Variants in GOLGB1 observed in about 807,000 individuals in gnomAD.
GOLGB1 encodes golgin subfamily B member 1.
A neutral mutation model predicts 336.9 loss-of-function variants in GOLGB1; 174 were observed. The observed-to-expected ratio is 0.52, with a 90% confidence interval of 0.46 to 0.59. GOLGB1 has a LOEUF of 0.59. Ranked by LOEUF, GOLGB1 falls within the 20% of genes least tolerant of loss-of-function variation. The pLI is 0.00. For missense variants in GOLGB1, 3,331 were observed against 3,645.3 expected (o/e 0.91, Z 2.22); for synonymous variants, 1,208 against 1,289.2 (o/e 0.94, Z 1.35).
chr3:121,716,685 C>A (rs546856786), intron 9 of GOLGB1, 52 bp downstream of exon 9: 1 of 1,391,892 alleles, frequency 7.2e-7, no homozygotes. Flanking sequence ...ATATGAAATA[C>A]AAGCCACTCA....
intron 17 of GOLGB1, among the ~76,000 whole-genome samples, chr3:121,669,604 C>T (rs933995976): frequency 6.6e-6 from 1 of 151,738 alleles, no homozygotes. Context: ...TAAATGGTGC[C>T]CAGTACATTA....
Position 121,738,922 on chromosome 3 carries a change from A to G in GOLGB1, c.-2-7949T>C, listed in dbSNP as rs1025082165. ...AACCTTATCAAGTTAGAAAAGCTGT[A>G]TAAAATCTCTTTCTAAAAGTTCAGC... On this transcript the variant is annotated intron_variant, in intron 1 of 21. Transcript: ENST00000614479. 5.9e-5 allele frequency among the ~76,000 whole-genome samples: 9 copies of G among 152,320 alleles called. No homozygotes were observed. In the South Asian group the frequency reaches 1.9e-3, roughly 32 times the overall value.
chr3:121,697,990 G>A lies in GOLGB1; in HGVS notation c.2533C>T (p.Leu845=). The change falls in exon 13 of 22, where the codon CTG becomes TTG. Residue 845 remains leucine, a synonymous_variant. Coordinates refer to ENST00000614479, the MANE Select transcript of GOLGB1 (RefSeq NM_001366282.2). The part of the protein sequence containing the change: ...STLIRSLQSQ[L]QNKESEVLEG... ...AGCACTTCACTTTCCTTATTTTGCAGCTGGCTTTGCAGGCTTCTTATCAGG... is the reference window on the plus strand; with the variant it reads ...AGCACTTCACTTTCCTTATTTTGCAACTGGCTTTGCAGGCTTCTTATCAGG... 2.5e-6 allele frequency: 4 copies of A among 1,614,036 alleles called. No individual in the cohort carries two copies. The highest frequency in any genetic ancestry group is 3.4e-6 in the Non-Finnish European group (4 of 1,179,948).
At chr3:121,684,512 GA>G (rs1189122571) in intron 14 of GOLGB1, among the ~76,000 whole-genome samples, 1 of 152,008 alleles carries the variant, frequency 6.6e-6, no homozygotes, top group Non-Finnish European at 1.5e-5. Context: ...AAAAATTTCA[GA>G]ATAGGGGAGA....
At position 121,667,441 on chromosome 3, in the gene GOLGB1, G is replaced by A. The variant is rs140381302; in HGVS notation, c.9554+35C>T. On this transcript the variant is annotated intron_variant, in intron 20 of 21. Transcript: ENST00000614479. ...TACATGAGTTTGATCAGAAAGGATCGGAAGGGAACAGAGGCTATCTCCTTC... is the reference window on the plus strand; with the variant it reads ...TACATGAGTTTGATCAGAAAGGATCAGAAGGGAACAGAGGCTATCTCCTTC... 125 of 1,597,040 alleles carry A rather than the reference G, an allele frequency of 7.8e-5. No individual in the cohort carries two copies. In the East Asian group the frequency reaches 2.4e-3, roughly 30 times the overall value.
At chr3:121,735,851 G>C (rs533463690) in intron 1 of GOLGB1, among the ~76,000 whole-genome samples, 2 of 152,066 alleles carry the variant, frequency 1.3e-5, no homozygotes, top group Non-Finnish European at 2.9e-5. Context: ...TCCAGATCTC[G>C]ATTTCTAAAT....
At chr3:121,671,017 T>C (rs1242478861) in intron 17 of GOLGB1, among the ~76,000 whole-genome samples, 2 of 152,212 alleles carry the variant, frequency 1.3e-5, no homozygotes, top group East Asian at 1.9e-4. Flanking sequence ...GCTGCCCTTT[T>C]ATCATAAATA....
rs770034829 is a variant in GOLGB1, at chr3:121,695,589, C to T, written c.4934G>A (p.Arg1645Lys). The change falls in exon 13 of 22, where the codon AGG becomes AAG. Residue 1645 changes from arginine to lysine, a missense_variant. Coordinates refer to ENST00000614479, the MANE Select transcript of GOLGB1 (RefSeq NM_001366282.2). ...GCCATACAGTTCTTGTTTCTCTTGC[C>T]TCACAGCTTCCACCACATGCTGAAT... ...ERIQHVVEAV[R>K]QEKQELYGKL... is the part of the protein sequence containing the mutation. 1.2e-6 allele frequency: 2 copies of T among 1,614,014 alleles called. No homozygotes were observed. Among genetic ancestry groups the T allele is most frequent in the Non-Finnish European group, 1.7e-6 (2 of 1,180,016 alleles).
At position 121,669,321 on chromosome 3, in the gene GOLGB1, G is replaced by A. The variant is rs1451742771; in HGVS notation, c.9212C>T (p.Ser3071Phe). ...SQLLEEKNTL[S>F]IQLCDTSQSL... ...CTGACTGGTATCGCAGAGCTGAATG[G>A]AAAGGGTGTTTTTCTCTTCCAGTAG... is the stretch of plus-strand genomic sequence containing the variant. Residue 3071 changes from serine to phenylalanine, a missense_variant, in exon 18 of 22, where the codon TCC becomes TTC. Physicochemically the swap from Ser to Phe is radical, Grantham distance 155. Transcript: ENST00000614479. The A allele has an allele frequency of 6.2e-7, 1 of 1,614,048 alleles. No homozygotes were observed. Among genetic ancestry groups the A allele is most frequent in the South Asian group, 1.1e-5 (1 of 91,078 alleles).
chr3:121,721,445 A>G (rs1472512750), intron 6 of GOLGB1, among the ~76,000 whole-genome samples: 2 of 152,090 alleles, frequency 1.3e-5, no homozygotes, highest in Non-Finnish European at 2.9e-5. Flanking sequence ...TGGGCAACAT[A>G]TTGAGAACCT....
At position 121,696,453 on chromosome 3, in the gene GOLGB1, T is replaced by A; in HGVS notation, c.4070A>T (p.Glu1357Val). Residue 1357 changes from glutamate (E) to valine (V), a missense_variant, in exon 13 of 22, where the codon GAA becomes GTA. Physicochemically the swap from Glu to Val is moderately radical, Grantham distance 121. Coordinates refer to ENST00000614479, the MANE Select transcript of GOLGB1 (RefSeq NM_001366282.2). ...GGATACTGTCTTTAGACTCTCGATTTCTAAACCCTGTTTATTTATCTGCTC... is the reference window on the plus strand; with the variant it reads ...GGATACTGTCTTTAGACTCTCGATTACTAAACCCTGTTTATTTATCTGCTC... ...LQEQINKQGL[E>V]IESLKTVSHE... 6.2e-7 allele frequency: 1 copy of A among 1,614,068 alleles called. No homozygotes were observed. Among genetic ancestry groups the A allele is most frequent in the South Asian group, 1.1e-5 (1 of 91,088 alleles).
At chr3:121,743,440 A>G (rs1467531530) in intron 1 of GOLGB1, among the ~76,000 whole-genome samples, 1 of 152,206 alleles carries the variant, frequency 6.6e-6, no homozygotes, top group East Asian at 1.9e-4. Context: ...CAGGGCAGGG[A>G]ACATAACACA....
At chr3:121,707,225 C>CAA (rs554313106) in intron 10 of GOLGB1, among the ~76,000 whole-genome samples, 15,791 of 93,256 alleles carry the variant, frequency 0.17, 1,662 homozygotes, top group Middle Eastern at 0.23. Flanking sequence ...GACTCCATCT[C>CAA]AAAAAAAAAA....
rs55724733 is a variant in GOLGB1, at chr3:121,664,330, TC to T, written c.*149del. 0.13 allele frequency: 95,793 copies of T among 713,898 alleles called. 7,085 individuals carry two copies. The highest frequency in any genetic ancestry group is 0.28 in the East Asian group (10,346 of 37,306). 44.2% of individuals were successfully genotyped at this position (713,898 alleles called of 1,614,324 possible). On this transcript the variant is annotated 3_prime_UTR_variant, in exon 22 of 22. Transcript: ENST00000614479. ...CCTGCAGCTCCAACCTGTCCTCGTA[TC>T]CACCTCTGTTTTTGCAGGCACTTTC...
At chr3:121,724,686 G>A (rs889454220) in intron 5 of GOLGB1, among the ~76,000 whole-genome samples, 1 of 152,142 alleles carries the variant, frequency 6.6e-6, no homozygotes, top group Non-Finnish European at 1.5e-5. Flanking sequence ...GGCTAAAAGG[G>A]AGCCAGTTTC....
At chr3:121,712,906 G>C (rs1460917405) in intron 10 of GOLGB1, among the ~76,000 whole-genome samples, 3 of 152,182 alleles carry the variant, frequency 2.0e-5, no homozygotes, top group Non-Finnish European at 4.4e-5. Context: ...GCTCATGCCT[G>C]TAATCCCAGC....
chr3:121,720,400 T>C (rs1945103693), intron 6 of GOLGB1, among the ~76,000 whole-genome samples: 1 of 152,174 alleles, frequency 6.6e-6, no homozygotes, highest in Non-Finnish European at 1.5e-5. Context: ...CAGAATGAAA[T>C]GGAAATAAAT....
chr3:121,678,509 A>C (rs1940680785), intron 15 of GOLGB1, among the ~76,000 whole-genome samples: 1 of 152,076 alleles, frequency 6.6e-6, no homozygotes, highest in Non-Finnish European at 1.5e-5. Flanking sequence ...GTGCTGCTTG[A>C]TCAGCAGCAA....
chr3:121,699,785 TG>T, intron 12 of GOLGB1, 26 bp downstream of exon 12: 1 of 1,354,540 alleles, frequency 7.4e-7, no homozygotes, highest in South Asian at 1.2e-5. Context: ...GCTCATGTTC[TG>T]GTTATATTAA....
Sources: gnomAD v4.1 joint callset for allele counts (sites outside exome capture counted in the v4.1 genomes callset) on GRCh38, gnomAD v4.1.1 for gene constraint, MANE v1.5 for transcripts, NCBI Gene and HGNC (gene_info 2026-07-23, HGNC 2026-07-21) for gene names.